The following C10orf90 variants were observed in gnomAD, a reference collection of about 807,000 sequenced individuals.
The protein encoded by C10orf90 is (E2-independent) E3 ubiquitin-conjugating enzyme FATS.
In C10orf90, 56 loss-of-function variants were observed where a neutral mutation model predicts 62.5. The observed-to-expected ratio is 0.90, with a 90% confidence interval of 0.72 to 1.12. The LOEUF (loss-of-function observed/expected upper bound fraction) is 1.12. Ranked by LOEUF, C10orf90 falls within the 50% of genes most tolerant of loss-of-function variation. C10orf90 has a pLI of 0.00. For synonymous variants in C10orf90, 386 were observed against 340.4 expected (o/e 1.13, Z -1.47); for missense variants, 970 against 880.4 (o/e 1.10, Z -1.29).
chr10:126,481,302 C>G (rs1861149903), intron 4 of C10orf90, among the ~76,000 whole-genome samples: 1 of 152,240 alleles, frequency 6.6e-6, no homozygotes, highest in African/African-American at 2.4e-5. Flanking sequence ...TATCTGTTGT[C>G]CATTTGCATC....
chr10:126,621,331 A>G (rs1173988230), intron 2 of C10orf90, among the ~76,000 whole-genome samples: 2 of 152,222 alleles, frequency 1.3e-5, no homozygotes, highest in African/African-American at 2.4e-5. Flanking sequence ...TTCTTTGTAC[A>G]TTGATACAAC....
chr10:126,451,371 A>C (rs1859176784), intron 7 of C10orf90, among the ~76,000 whole-genome samples: 1 of 152,034 alleles, frequency 6.6e-6, no homozygotes, highest in Non-Finnish European at 1.5e-5. Flanking sequence ...AGGTATCAGC[A>C]CTCCTGTGTT....
intron 2 of C10orf90, among the ~76,000 whole-genome samples, chr10:126,579,138 C>T (rs7086844): frequency 0.024 from 3,716 of 152,122 alleles, 145 homozygotes; most frequent in African/African-American, 0.084. Flanking sequence ...AGGGTAGCAA[C>T]AGCATACGCC....
At chr10:126,601,841 G>A (rs1011599079) in intron 2 of C10orf90, among the ~76,000 whole-genome samples, 1 of 152,220 alleles carries the variant, frequency 6.6e-6, no homozygotes, top group South Asian at 2.1e-4. Flanking sequence ...GCCCTGGGGC[G>A]TGCCCTGCCT....
chr10:126,426,406 T>C (rs954408265), intron 8 of C10orf90, among the ~76,000 whole-genome samples: 4 of 152,234 alleles, frequency 2.6e-5, no homozygotes, highest in African/African-American at 9.6e-5. Context: ...TCTATGATAA[T>C]TAATGACTTA....
chr10:126,661,300 T>TAGCC (rs1846505945), intron 1 of C10orf90, among the ~76,000 whole-genome samples: 1 of 152,154 alleles, frequency 6.6e-6, no homozygotes. Flanking sequence ...CCATGCCAAT[T>TAGCC]CCAAGGCTCA....
intron 4 of C10orf90, among the ~76,000 whole-genome samples, chr10:126,495,551 A>G (rs1862000714): frequency 1.3e-5 from 2 of 152,200 alleles, no homozygotes; most frequent in African/African-American, 4.8e-5. Flanking sequence ...TGAACAACAA[A>G]CTACTTTGAC....
chr10:126,563,497 TAA>T (rs1253802486), intron 2 of C10orf90, among the ~76,000 whole-genome samples: 2 of 152,136 alleles, frequency 1.3e-5, no homozygotes, highest in African/African-American at 4.8e-5. Flanking sequence ...TTTCTATCTA[TAA>T]CAAAAGGACA....
chr10:126,548,264 C>T lies in C10orf90; in HGVS notation c.314-34325G>A, dbSNP rs192804160. On this transcript the variant is annotated intron_variant, in intron 2 of 9. Coordinates refer to ENST00000488181, the MANE Select transcript of C10orf90 (RefSeq NM_001350921.2). ...AATTTCATAAAAAAGCAAGTGGGGCCGGGCACAGTGGCTCGTGCCTGTAAT... is the reference window on the plus strand; with the variant it reads ...AATTTCATAAAAAAGCAAGTGGGGCTGGGCACAGTGGCTCGTGCCTGTAAT... Among the ~76,000 whole-genome samples the T allele has an allele frequency of 2.5e-3, 373 of 152,216 alleles. 2 individuals carry two copies. Among genetic ancestry groups the T allele is most frequent in the South Asian group, 0.013 (63 of 4,820 alleles).
chr10:126,600,020 G>T (rs796839947), intron 2 of C10orf90, among the ~76,000 whole-genome samples: 2 of 152,244 alleles, frequency 1.3e-5, no homozygotes, highest in African/African-American at 4.8e-5. Context: ...ATTGGCCACT[G>T]TAGTCCAATT....
chr10:126,547,459 G>A (rs977861828), intron 2 of C10orf90, among the ~76,000 whole-genome samples: 13 of 139,008 alleles, frequency 9.4e-5, no homozygotes, highest in South Asian at 2.4e-4. Context: ...AAAATCATTC[G>A]TTCATCACAA....
intron 4 of C10orf90, among the ~76,000 whole-genome samples, chr10:126,466,809 T>A (rs1169712777): frequency 6.6e-6 from 1 of 152,250 alleles, no homozygotes; most frequent in East Asian, 1.9e-4. Flanking sequence ...GAAACTGTTA[T>A]CAGCCTTTGT....
At chr10:126,498,924 C>T (rs967369470) in intron 4 of C10orf90, among the ~76,000 whole-genome samples, 3 of 152,148 alleles carry the variant, frequency 2.0e-5, no homozygotes, top group Non-Finnish European at 2.9e-5. Flanking sequence ...GAACACTCCC[C>T]AGTAAATGCC....
At chr10:126,562,016 A>T (rs2133988831) in intron 2 of C10orf90, among the ~76,000 whole-genome samples, 1 of 152,312 alleles carries the variant, frequency 6.6e-6, no homozygotes, top group Non-Finnish European at 1.5e-5. Context: ...TCAGCACCTC[A>T]GCTGGAGAGT....
chr10:126,531,391 G>A lies in C10orf90; in HGVS notation c.314-17452C>T, dbSNP rs868467008. Among the ~76,000 whole-genome samples the A allele has an allele frequency of 5.9e-5, 9 of 152,134 alleles. No individual in the cohort carries two copies. In the South Asian group the frequency reaches 1.2e-3, roughly 21 times the overall value. On this transcript the variant is annotated intron_variant, in intron 2 of 9. Transcript: ENST00000488181. ...TGCTGCGAAACCCCTGAGGATGCAC[G>A]GGACAGCCCCATGACAAAGGATTGT...
At chr10:126,458,855 C>G (rs1054435477) in intron 7 of C10orf90, among the ~76,000 whole-genome samples, 185 bp downstream of exon 7, 1 of 152,176 alleles carries the variant, frequency 6.6e-6, no homozygotes, top group African/African-American at 2.4e-5. Flanking sequence ...CATATGTGAT[C>G]TCTCAAAATG....
chr10:126,435,974 G>T (rs1857896230), intron 7 of C10orf90, among the ~76,000 whole-genome samples: 1 of 152,036 alleles, frequency 6.6e-6, no homozygotes, highest in Non-Finnish European at 1.5e-5. Context: ...TTATTTCTTG[G>T]CTGGTTACTC....
chr10:126,526,175 TAGTTACATTCTCTTCTAAACAC>T, intron 2 of C10orf90, among the ~76,000 whole-genome samples: 1 of 151,908 alleles, frequency 6.6e-6, no homozygotes, highest in African/African-American at 2.4e-5. Flanking sequence ...CTCTGACTTT[TAGTTACATTCTCTTCTAAACAC>T]AGCCCTTCCT....
At chr10:126,562,670 A>G (rs184203610) in intron 2 of C10orf90, among the ~76,000 whole-genome samples, 417 of 152,242 alleles carry the variant, frequency 2.7e-3, no homozygotes, top group Admixed American at 4.3e-3. Context: ...ATCAGTTTTA[A>G]TGGGCACCAG....
Sources: allele counts gnomAD v4.1 joint callset (sites outside exome capture counted in the v4.1 genomes callset), GRCh38; gene constraint gnomAD v4.1.1; transcripts MANE v1.5; gene names NCBI Gene and HGNC (gene_info 2026-07-23, HGNC 2026-07-21).